The following LRP1B variants were observed in gnomAD, a reference collection of about 807,000 sequenced individuals.
LRP1B encodes LDL receptor related protein 1B, also known as low-density lipoprotein receptor-related protein 1B.
Under a neutral mutation model 556.6 loss-of-function variants are expected in LRP1B, and 217 were observed. The ratio of observed to expected loss-of-function variants is 0.39; its 90% CI spans 0.35 to 0.44. LRP1B has a LOEUF of 0.44. Among genes scored for constraint, LRP1B ranks in the 20% least tolerant of loss-of-function variants. LRP1B has a pLI of 1.00. For synonymous variants in LRP1B, 2,047 were observed against 1,865.8 expected (o/e 1.10, Z -2.50); for missense variants, 5,053 against 5,620.8 (o/e 0.90, Z 3.23).
At chr2:140,689,838 A>T (rs1395819253) in intron 41 of LRP1B, among the ~76,000 whole-genome samples, 1 of 152,202 alleles carries the variant, frequency 6.6e-6, no homozygotes, top group African/African-American at 2.4e-5. Flanking sequence ...TTTCACACGG[A>T]TATAACTCAG....
chr2:142,073,747 C>A (rs1447355810), intron 1 of LRP1B, among the ~76,000 whole-genome samples: 1 of 151,938 alleles, frequency 6.6e-6, no homozygotes, highest in African/African-American at 2.4e-5. Flanking sequence ...GGGTCATGGG[C>A]AGATTTTCCC....
intron 18 of LRP1B, among the ~76,000 whole-genome samples, chr2:140,954,826 C>G (rs1415824650): frequency 6.6e-6 from 1 of 151,916 alleles, no homozygotes; most frequent in Non-Finnish European, 1.5e-5. Flanking sequence ...TACATCATGT[C>G]TCTTGTTGTT....
At chr2:141,071,265 T>G (rs1364861567) in intron 7 of LRP1B, among the ~76,000 whole-genome samples, 2 of 150,500 alleles carry the variant, frequency 1.3e-5, no homozygotes, top group African/African-American at 2.5e-5. Flanking sequence ...CACATGATTA[T>G]CTCAATAGAT....
chr2:141,888,664 G>A (rs1293709104), intron 1 of LRP1B, among the ~76,000 whole-genome samples: 1 of 152,152 alleles, frequency 6.6e-6, no homozygotes, highest in African/African-American at 2.4e-5. Context: ...TCAAGAATAT[G>A]GAGAGATGAA....
intron 20 of LRP1B, among the ~76,000 whole-genome samples, chr2:140,940,414 T>C (rs927609162): frequency 6.6e-6 from 1 of 152,174 alleles, no homozygotes; most frequent in African/African-American, 2.4e-5. Context: ...ATTTAATAGA[T>C]GTGATGTATA....
chr2:141,915,085 C>CCTGACTTCAAACTATACTATAGAAA (rs1699996488), intron 1 of LRP1B, among the ~76,000 whole-genome samples: 1 of 152,166 alleles, frequency 6.6e-6, no homozygotes, highest in Non-Finnish European at 1.5e-5. Context: ...CATCACATTG[C>CCTGACTTCAAACTATACTATAGAAA]CTGACTTCAA....
At chr2:142,059,524 A>G (rs1264124090) in intron 1 of LRP1B, among the ~76,000 whole-genome samples, 1 of 124,196 alleles carries the variant, frequency 8.1e-6, no homozygotes, top group Admixed American at 9.0e-5. Flanking sequence ...AATCCTGCAA[A>G]AGAACCAGTT....
At chr2:141,158,415 T>G (rs1457284568) in intron 7 of LRP1B, among the ~76,000 whole-genome samples, 3 of 152,136 alleles carry the variant, frequency 2.0e-5, no homozygotes, top group African/African-American at 4.8e-5. Flanking sequence ...AAGGTGAAAT[T>G]TGTTCTTTTA....
intron 1 of LRP1B, among the ~76,000 whole-genome samples, chr2:142,015,196 A>G (rs1703079506): frequency 6.6e-6 from 1 of 152,136 alleles, no homozygotes; most frequent in Non-Finnish European, 1.5e-5. Context: ...AAGAAAGAGT[A>G]AGTATGTCCC....
At chr2:141,236,997 C>A (rs562809831) in intron 5 of LRP1B, among the ~76,000 whole-genome samples, 1 of 152,106 alleles carries the variant, frequency 6.6e-6, no homozygotes, top group Admixed American at 6.6e-5. Context: ...AACTTGTGGA[C>A]ACAGGTATCA....
At chr2:141,318,144 C>T (rs1687097601) in intron 3 of LRP1B, among the ~76,000 whole-genome samples, 1 of 152,134 alleles carries the variant, frequency 6.6e-6, no homozygotes, top group Non-Finnish European at 1.5e-5. Flanking sequence ...ATTCATTTTA[C>T]TCTTGAAACA....
At chr2:141,571,619 A>T (rs1686533081) in intron 2 of LRP1B, among the ~76,000 whole-genome samples, 1 of 152,160 alleles carries the variant, frequency 6.6e-6, no homozygotes, top group Non-Finnish European at 1.5e-5. Context: ...GAATATGGGT[A>T]ATCAAAAACT....
intron 2 of LRP1B, among the ~76,000 whole-genome samples, chr2:141,494,483 C>T (rs888349425): frequency 2.0e-4 from 31 of 151,848 alleles, no homozygotes; most frequent in African/African-American, 6.8e-4. Flanking sequence ...CACTACAGGG[C>T]CTTTGAGTGA....
intron 83 of LRP1B, among the ~76,000 whole-genome samples, chr2:140,308,185 GGTGA>G (rs1327869921): frequency 6.6e-6 from 1 of 151,706 alleles, no homozygotes; most frequent in Non-Finnish European, 1.5e-5. Flanking sequence ...CTGCAAACCT[GGTGA>G]GTGTCTGTCT....
intron 41 of LRP1B, among the ~76,000 whole-genome samples, chr2:140,615,538 A>T (rs988192986): frequency 6.6e-6 from 1 of 152,150 alleles, no homozygotes; most frequent in African/African-American, 2.4e-5. Flanking sequence ...ACAAAGCCCA[A>T]CATGACTTGG....
At chr2:140,583,162 C>CTTTTTTTTTTTTTTTTTTTTTTTTTTTT in intron 43 of LRP1B, among the ~76,000 whole-genome samples, 1 of 107,818 alleles carries the variant, frequency 9.3e-6, no homozygotes. Context: ...ACAGTTTCTC[C>CTTTTTTTTTTTTTTTTTTTTTTTTTTTT]TTTTTTTTCT....
chr2:141,676,559 A>G (rs973977745), intron 2 of LRP1B, among the ~76,000 whole-genome samples: 4 of 152,110 alleles, frequency 2.6e-5, no homozygotes, highest in Non-Finnish European at 5.9e-5. Context: ...TTTATCATCA[A>G]AAGTTTCTTC....
Position 140,232,833 on chromosome 2 carries a change from T to G in LRP1B, c.*353A>C, listed in dbSNP as rs1395062660. The G allele has an allele frequency of 6.3e-6, 1 of 158,396 alleles. No homozygotes were observed. Among genetic ancestry groups the G allele is most frequent in the African/African-American group, 2.4e-5 (1 of 41,596 alleles). The allele number at this position is 158,396 out of a possible 1,614,324, so 9.8% of individuals were successfully genotyped here. A position where few individuals can be genotyped will look rare whatever the true frequency, so the allele number is the denominator to read the frequency against. ...CCGTATAATGGAAAAGTGCAGAGAT[T>G]CTCCTCGTTGATTAAGTACAACCAA... On this transcript the variant is annotated 3_prime_UTR_variant, in exon 91 of 91. Transcript: ENST00000389484.
chr2:141,740,174 G>C (rs915298314), intron 2 of LRP1B, among the ~76,000 whole-genome samples: 3 of 152,030 alleles, frequency 2.0e-5, no homozygotes, highest in African/African-American at 7.2e-5. Flanking sequence ...TCATAGACGT[G>C]ACAAATTTTG....
Sources: gnomAD v4.1 joint callset for allele counts (sites outside exome capture counted in the v4.1 genomes callset) on GRCh38, gnomAD v4.1.1 for gene constraint, MANE v1.5 for transcripts, NCBI Gene and HGNC (gene_info 2026-07-23, HGNC 2026-07-21) for gene names.